TXNRD1: variants seen among roughly 807,000 people sequenced by gnomAD.
TXNRD1 encodes thioredoxin reductase 1.
A neutral mutation model predicts 80.3 loss-of-function variants in TXNRD1; 57 were observed. The ratio of observed to expected loss-of-function variants is 0.71; its 90% CI spans 0.57 to 0.89. The LOEUF (loss-of-function observed/expected upper bound fraction) is 0.89. Among genes scored for constraint, TXNRD1 ranks in the 40% least tolerant of loss-of-function variants. The pLI is 0.00. For missense variants in TXNRD1, 730 were observed against 803.0 expected, an observed-to-expected ratio of 0.91 and a Z score of 1.10; for synonymous variants, 291 against 285.2, an observed-to-expected ratio of 1.02 and a Z score of -0.20.
intron 3 of TXNRD1, among the ~76,000 whole-genome samples, chr12:104,279,202 C>T (rs1033409849): frequency 6.6e-6 from 1 of 152,074 alleles, no homozygotes; most frequent in Non-Finnish European, 1.5e-5. Flanking sequence ...TTCATCACCA[C>T]AGAAAGTCCT....
At chr12:104,340,348 T>C (rs1275209056) in intron 16 of TXNRD1, among the ~76,000 whole-genome samples, 1 of 152,216 alleles carries the variant, frequency 6.6e-6, no homozygotes, top group Non-Finnish European at 1.5e-5. Context: ...ACTGCCTGTG[T>C]TGGGAAGGAG....
chr12:104,285,004 T>C (rs1358355643), intron 3 of TXNRD1, among the ~76,000 whole-genome samples: 1 of 152,026 alleles, frequency 6.6e-6, no homozygotes, highest in African/African-American at 2.4e-5. Flanking sequence ...TGAAACCCCA[T>C]TTCTACTAAA....
intron 1 of TXNRD1, among the ~76,000 whole-genome samples, chr12:104,234,891 C>T (rs993839437): frequency 6.6e-6 from 1 of 152,106 alleles, no homozygotes; most frequent in Non-Finnish European, 1.5e-5. Context: ...CTCTTGATGA[C>T]CCTCAATTGG....
chr12:104,235,029 G>A (rs2032705503), intron 1 of TXNRD1, among the ~76,000 whole-genome samples: 1 of 152,154 alleles, frequency 6.6e-6, no homozygotes, highest in African/African-American at 2.4e-5. Flanking sequence ...GAGTTGAGCT[G>A]GGGGAAGGTG....
intron 5 of TXNRD1, among the ~76,000 whole-genome samples, chr12:104,312,902 G>T (rs2035189206): frequency 6.6e-6 from 1 of 152,114 alleles, no homozygotes; most frequent in African/African-American, 2.4e-5. Context: ...CAGCTACTTG[G>T]CAACTTGCTT....
chr12:104,299,390 C>T (rs2034541182), intron 4 of TXNRD1, among the ~76,000 whole-genome samples: 1 of 151,742 alleles, frequency 6.6e-6, no homozygotes, highest in South Asian at 2.1e-4. Context: ...ATACAGATAT[C>T]TGTCTTATCA....
At chr12:104,291,194 GTCT>G (rs2135751011) in intron 4 of TXNRD1, 9 of 242,672 alleles carry the variant, frequency 3.7e-5, no homozygotes, top group East Asian at 1.7e-4. Flanking sequence ...TCTACTTTGT[GTCT>G]TTTTTTTTTT....
intron 14 of TXNRD1, 36 bp from the exon 15 acceptor site, chr12:104,334,196 TTAAAA>T: frequency 9.0e-7 from 1 of 1,113,598 alleles, no homozygotes; most frequent in Non-Finnish European, 1.3e-6. Flanking sequence ...GACTTAATGT[TTAAAA>T]TAATGGGTCT....
chr12:104,304,255 A>G (rs749663608), intron 4 of TXNRD1: 3 of 1,614,076 alleles, frequency 1.9e-6, no homozygotes, highest in Non-Finnish European at 1.7e-6. Flanking sequence ...CAAAGCAGTT[A>G]AACTCAGATA....
At chr12:104,249,935 CA>C (rs59924751) in intron 1 of TXNRD1, among the ~76,000 whole-genome samples, 8,139 of 102,210 alleles carry the variant, frequency 0.08, 196 homozygotes, top group Middle Eastern at 0.15. Context: ...GACGCCGTCT[CA>C]AAAAAAAAAA....
chr12:104,215,877 T>C lies in TXNRD1; in HGVS notation c.75T>C (p.Asp25=). Residue 25 remains aspartate, a synonymous_variant, in exon 1 of 17, where the codon GAT becomes GAC. Transcript: ENST00000525566. ...TGCAGACGAAAGGCAAGAACGGCGA[T>C]GGCCGCCGTAGGTCAGGTACGACCG... The part of the protein sequence containing the change: ...TELQTKGKNG[D]GRRRSAKDHH... 1 of 1,556,714 alleles carries C rather than the reference T, an allele frequency of 6.4e-7. No individual in the cohort carries two copies. The highest frequency in any genetic ancestry group is 8.7e-7 in the Non-Finnish European group (1 of 1,150,892).
chr12:104,267,800 T>C (rs1447944398), intron 3 of TXNRD1, among the ~76,000 whole-genome samples: 1 of 143,634 alleles, frequency 7.0e-6, no homozygotes, highest in African/African-American at 2.6e-5. Flanking sequence ...CCTTCCTTCT[T>C]TCCTTCCTTC....
chr12:104,348,716 T>G lies in TXNRD1; in HGVS notation c.*295T>G. 1 of 362,050 alleles carries G rather than the reference T, an allele frequency of 2.8e-6. No individual in the cohort carries two copies. Among genetic ancestry groups the G allele is most frequent in the Non-Finnish European group, 5.0e-6 (1 of 199,572 alleles). 22.4% of individuals were successfully genotyped at this position (362,050 alleles called of 1,614,324 possible). ...GTGGTAGGCGGTGATGGAACAACTGTCAAATCAGTTTTAGCATGACCTTTC... is the reference window on the plus strand; with the variant it reads ...GTGGTAGGCGGTGATGGAACAACTGGCAAATCAGTTTTAGCATGACCTTTC... On this transcript the variant is annotated 3_prime_UTR_variant, in exon 17 of 17. Transcript: ENST00000525566.
chr12:104,307,375 AAATAC>A (rs2034959952), intron 4 of TXNRD1, among the ~76,000 whole-genome samples: 1 of 152,214 alleles, frequency 6.6e-6, no homozygotes, highest in African/African-American at 2.4e-5. Context: ...ACACCAGTGT[AAATAC>A]ATTCCAGCAC....
intron 3 of TXNRD1, chr12:104,287,214 G>T: frequency 6.2e-7 from 1 of 1,608,980 alleles, no homozygotes. Flanking sequence ...CCTGGGTGCA[G>T]CAGTGTGCGT....
chr12:104,247,687 G>T (rs1442292040), intron 1 of TXNRD1, among the ~76,000 whole-genome samples: 1 of 152,108 alleles, frequency 6.6e-6, no homozygotes, highest in African/African-American at 2.4e-5. Flanking sequence ...CAGTAAGAAT[G>T]CAGTTCTTCT....
At chr12:104,250,602 GC>G (rs1405978718) in intron 1 of TXNRD1, among the ~76,000 whole-genome samples, 1 of 152,114 alleles carries the variant, frequency 6.6e-6, no homozygotes. Context: ...TGGTAGCAGT[GC>G]CCACCTAACG....
chr12:104,309,840 C>T, intron 4 of TXNRD1: 2 of 1,535,366 alleles, frequency 1.3e-6, no homozygotes, highest in African/African-American at 1.4e-5. Flanking sequence ...TGTGCTAGAC[C>T]TTTTGTGCAG....
intron 16 of TXNRD1, among the ~76,000 whole-genome samples, chr12:104,341,222 G>A (rs943728987): frequency 6.6e-6 from 1 of 152,132 alleles, no homozygotes; most frequent in Non-Finnish European, 1.5e-5. Context: ...TCCATCTGTT[G>A]GTCCTCTTAT....
Sources: allele counts gnomAD v4.1 joint callset (sites outside exome capture counted in the v4.1 genomes callset), GRCh38; gene constraint gnomAD v4.1.1; transcripts MANE v1.5; gene names NCBI Gene and HGNC (gene_info 2026-07-23, HGNC 2026-07-21).